DCLK1: variants seen among roughly 807,000 people sequenced by gnomAD.
The protein encoded by DCLK1 is doublecortin like kinase 1, also known as serine/threonine-protein kinase DCLK1.
In DCLK1, 16 loss-of-function variants were observed where a neutral mutation model predicts 86.2. The ratio of observed to expected loss-of-function variants is 0.19; its 90% confidence interval spans 0.13 to 0.28. DCLK1 has a LOEUF of 0.28. Among genes scored for constraint, DCLK1 ranks in the 10% least tolerant of loss-of-function variants. DCLK1 has a pLI of 1.00. For synonymous variants in DCLK1, 369 were observed against 370.5 expected (o/e 1.00, Z 0.05); for missense variants, 590 against 940.2 (o/e 0.63, Z 4.87).
intron 4 of DCLK1, among the ~76,000 whole-genome samples, chr13:35,918,909 T>G (rs1324786610): frequency 6.8e-6 from 1 of 146,216 alleles, no homozygotes; most frequent in South Asian, 2.2e-4. Context: ...TTTTTTTTTT[T>G]GGAAACGGAG....
chr13:35,788,836 T>C (rs1030477110), intron 16 of DCLK1, among the ~76,000 whole-genome samples: 3 of 152,202 alleles, frequency 2.0e-5, no homozygotes, highest in African/African-American at 7.2e-5. Context: ...TTCCTTTTTA[T>C]AAAAGGTATA....
At chr13:36,122,712 T>TA (rs975041346) in intron 2 of DCLK1, among the ~76,000 whole-genome samples, 4 of 152,104 alleles carry the variant, frequency 2.6e-5, no homozygotes, top group Non-Finnish European at 5.9e-5. Flanking sequence ...ATGATTTTTT[T>TA]AAAAAAACAT....
chr13:36,053,056 T>C (rs1284538746), intron 3 of DCLK1, among the ~76,000 whole-genome samples: 3 of 152,196 alleles, frequency 2.0e-5, no homozygotes, highest in Non-Finnish European at 2.9e-5. Context: ...CTTCAACCAA[T>C]TGGCATCAGT....
intron 3 of DCLK1, among the ~76,000 whole-genome samples, chr13:36,019,982 A>T (rs148963879): frequency 6.6e-6 from 1 of 152,332 alleles, no homozygotes; most frequent in Non-Finnish European, 1.5e-5. Flanking sequence ...GCTTTGTGCC[A>T]TCCTCCCAGT....
At chr13:35,938,354 G>GAAAAAATAA (rs1876886255) in intron 4 of DCLK1, among the ~76,000 whole-genome samples, 1 of 152,152 alleles carries the variant, frequency 6.6e-6, no homozygotes, top group Admixed American at 6.5e-5. Flanking sequence ...ACTAGGCCAG[G>GAAAAAATAA]TGCAGTGGCT....
chr13:35,984,052 G>C (rs1180492745), intron 3 of DCLK1, among the ~76,000 whole-genome samples: 1 of 152,214 alleles, frequency 6.6e-6, no homozygotes, highest in Non-Finnish European at 1.5e-5. Context: ...CAGTGGTGCA[G>C]GTGAGCCTAT....
At chr13:36,115,328 T>TTAAAAAAC (rs1555237942) in intron 2 of DCLK1, among the ~76,000 whole-genome samples, 14 of 151,752 alleles carry the variant, frequency 9.2e-5, no homozygotes, top group Admixed American at 3.3e-4. Context: ...GAATTTATCT[T>TTAAAAAAC]AAACAAACAA....
At chr13:36,058,195 A>G (rs1193826679) in intron 3 of DCLK1, among the ~76,000 whole-genome samples, 1 of 152,162 alleles carries the variant, frequency 6.6e-6, no homozygotes, top group Admixed American at 6.5e-5. Context: ...TTAAGGATCC[A>G]TCTCTGTGAA....
chr13:35,975,289 AG>A (rs1171298546), intron 3 of DCLK1, among the ~76,000 whole-genome samples: 1 of 152,212 alleles, frequency 6.6e-6, no homozygotes, highest in Non-Finnish European at 1.5e-5. Context: ...GGAGAACCAG[AG>A]ATGAGTCTCA....
intron 2 of DCLK1, 28 bp downstream of exon 2, chr13:36,125,734 C>T: frequency 1.3e-6 from 2 of 1,592,462 alleles, no homozygotes; most frequent in Non-Finnish European, 1.7e-6. Context: ...CCTGTAGGGT[C>T]ACGTGGGGGT....
intron 11 of DCLK1, among the ~76,000 whole-genome samples, chr13:35,822,366 G>A (rs1332061561): frequency 6.6e-6 from 1 of 150,700 alleles, no homozygotes; most frequent in Admixed American, 6.6e-5. Flanking sequence ...TCACTATGTT[G>A]CCCCAACTGG....
At chr13:36,034,297 T>C (rs1179555347) in intron 3 of DCLK1, among the ~76,000 whole-genome samples, 1 of 152,214 alleles carries the variant, frequency 6.6e-6, no homozygotes, top group East Asian at 1.9e-4. Flanking sequence ...AGAAATTAAA[T>C]TAGAATTTTA....
intron 3 of DCLK1, among the ~76,000 whole-genome samples, chr13:35,993,382 G>A (rs1342778186): frequency 1.3e-5 from 2 of 152,100 alleles, no homozygotes; most frequent in Non-Finnish European, 2.9e-5. Context: ...TCTCCAGGTA[G>A]ACCTTAAACT....
At chr13:35,917,755 T>A (rs1875511998) in intron 4 of DCLK1, among the ~76,000 whole-genome samples, 1 of 151,704 alleles carries the variant, frequency 6.6e-6, no homozygotes, top group Non-Finnish European at 1.5e-5. Flanking sequence ...ATTTTCAAAA[T>A]CATTAGTTAC....
At chr13:36,009,859 A>G (rs1881194703) in intron 3 of DCLK1, among the ~76,000 whole-genome samples, 1 of 39,404 alleles carries the variant, frequency 2.5e-5, no homozygotes, top group East Asian at 7.3e-4. Context: ...ACCCATGAGC[A>G]TGGAATGTTC....
At chr13:35,917,091 C>T (rs1875461720) in intron 4 of DCLK1, among the ~76,000 whole-genome samples, 1 of 152,102 alleles carries the variant, frequency 6.6e-6, no homozygotes, top group African/African-American at 2.4e-5. Context: ...TAACTCATAC[C>T]CTTTTTGCCC....
intron 16 of DCLK1, among the ~76,000 whole-genome samples, chr13:35,792,199 T>G (rs372021499): frequency 3.3e-5 from 5 of 152,234 alleles, no homozygotes; most frequent in Non-Finnish European, 5.9e-5. Context: ...CTCACACGCA[T>G]GTAAATCACT....
intron 4 of DCLK1, among the ~76,000 whole-genome samples, chr13:35,926,945 C>T (rs888797578): frequency 1.3e-5 from 2 of 152,196 alleles, no homozygotes; most frequent in Admixed American, 6.5e-5. Context: ...CTGAATGGTG[C>T]AACTTCACAT....
chr13:36,100,179 C>CAAAAA lies in DCLK1; in HGVS notation c.723+11685_723+11689dup, dbSNP rs58824322. On this transcript the variant is annotated intron_variant, in intron 3 of 16. Coordinates refer to ENST00000360631, the MANE Select transcript of DCLK1 (RefSeq NM_001330071.2). ...ACAACAGGGCAAAACCCTGTCTCTA[C>CAAAAA]AAAAAAAAAAAAAAAAAAAAAAAAA... Among the ~76,000 whole-genome samples the CAAAAA allele has an allele frequency of 1.4e-3, 51 of 37,690 alleles. 5 individuals are homozygous for CAAAAA. The highest frequency in any genetic ancestry group is 4.3e-3 in the African/African-American group (39 of 9,030). The allele number at this position is 37,690 out of a possible 152,430, so 24.7% of individuals were successfully genotyped here.
Sources: allele counts gnomAD v4.1 joint callset (sites outside exome capture counted in the v4.1 genomes callset), GRCh38; gene constraint gnomAD v4.1.1; transcripts MANE v1.5; gene names NCBI Gene and HGNC (gene_info 2026-07-23, HGNC 2026-07-21).